The following SMAD2 variants were observed in gnomAD, a reference collection of about 807,000 sequenced individuals.
SMAD2 encodes SMAD family member 2.
In SMAD2, 8 loss-of-function variants were observed where a neutral mutation model predicts 64.4. The observed-to-expected ratio is 0.12, with a 90% confidence interval of 0.07 to 0.22. The LOEUF is 0.22. Ranked by LOEUF, SMAD2 falls within the 10% of genes least tolerant of loss-of-function variation. The pLI is 1.00. For missense variants in SMAD2, 289 were observed against 561.2 expected (o/e 0.51, Z 4.90); for synonymous variants, 203 against 195.8 (o/e 1.04, Z -0.31).
chr18:47,897,691 A>AG (rs1335179132), intron 1 of SMAD2, among the ~76,000 whole-genome samples: 2 of 152,164 alleles, frequency 1.3e-5, no homozygotes, highest in African/African-American at 4.8e-5. Context: ...CAGTTCACAC[A>AG]GAATTTAGAA....
At chr18:47,849,359 A>G (rs1914853633) in intron 7 of SMAD2, among the ~76,000 whole-genome samples, 1 of 152,100 alleles carries the variant, frequency 6.6e-6, no homozygotes, top group South Asian at 2.1e-4. Flanking sequence ...ACATATCATA[A>G]GGAATACTGC....
intron 2 of SMAD2, among the ~76,000 whole-genome samples, chr18:47,893,125 G>A (rs963895170): frequency 7.9e-5 from 12 of 152,172 alleles, no homozygotes; most frequent in African/African-American, 1.9e-4. Flanking sequence ...AAAGCTTCCT[G>A]AAATTTTTTA....
intron 1 of SMAD2, among the ~76,000 whole-genome samples, chr18:47,927,984 C>G (rs969515508): frequency 5.3e-5 from 8 of 152,208 alleles, no homozygotes; most frequent in African/African-American, 1.9e-4. Context: ...TTCACATTTT[C>G]TGACATACCT....
intron 2 of SMAD2, among the ~76,000 whole-genome samples, chr18:47,882,616 A>T (rs768773107): frequency 5.3e-5 from 8 of 152,128 alleles, no homozygotes; most frequent in Non-Finnish European, 1.0e-4. Flanking sequence ...TTTTAGTTGC[A>T]TCTTTGTCAG....
chr18:47,906,864 A>C (rs1182102784), intron 1 of SMAD2, among the ~76,000 whole-genome samples: 2 of 151,996 alleles, frequency 1.3e-5, no homozygotes, highest in African/African-American at 2.4e-5. Context: ...TTCTGTATTC[A>C]AATCTCCCTC....
intron 1 of SMAD2, among the ~76,000 whole-genome samples, chr18:47,918,170 A>G (rs1464562299): frequency 6.6e-6 from 1 of 152,230 alleles, no homozygotes; most frequent in Non-Finnish European, 1.5e-5. Flanking sequence ...CTGGATAACT[A>G]ATCCTCTGCC....
intron 1 of SMAD2, among the ~76,000 whole-genome samples, chr18:47,926,103 T>C (rs1315410273): frequency 6.6e-6 from 1 of 152,216 alleles, no homozygotes; most frequent in Non-Finnish European, 1.5e-5. Context: ...CAGCCTTTCT[T>C]TACTGCTGGC....
intron 2 of SMAD2, chr18:47,887,024 A>G (rs989647021): frequency 1.3e-5 from 2 of 152,054 alleles, no homozygotes; most frequent in African/African-American, 4.8e-5. Context: ...TCCTGTCCCC[A>G]GCAACCACTA....
rs1335720238 is a variant in SMAD2 at position 47,897,938 on chromosome 18, GAAAGT to G, written c.-53-1134_-53-1130del. Among the ~76,000 whole-genome samples, 5 of 152,156 alleles carry G rather than the reference GAAAGT, an allele frequency of 3.3e-5. No individual in the cohort carries two copies. In the East Asian group the frequency reaches 5.8e-4, roughly 18 times the overall value. On this transcript the variant is annotated intron_variant, in intron 1 of 10. Coordinates refer to ENST00000262160, the MANE Select transcript of SMAD2 (RefSeq NM_005901.6). ...AAGTTCCCAAAAGGCATCCTTTTTA[GAAAGT>G]AAAGAGGTCTGTAGTCTTTACATCA...
chr18:47,852,506 TA>T (rs1470943366), intron 6 of SMAD2, among the ~76,000 whole-genome samples: 13 of 152,212 alleles, frequency 8.5e-5, no homozygotes, highest in Non-Finnish European at 1.9e-4. Context: ...ACATGAGTGC[TA>T]TGTTTGTAAG....
chr18:47,877,527 C>T (rs914513943), intron 2 of SMAD2, among the ~76,000 whole-genome samples: 5 of 152,006 alleles, frequency 3.3e-5, no homozygotes, highest in African/African-American at 1.2e-4. Flanking sequence ...TTTATCTTGA[C>T]TACAAATATA....
chr18:47,859,362 T>C (rs1266003139), intron 6 of SMAD2, among the ~76,000 whole-genome samples: 4 of 152,172 alleles, frequency 2.6e-5, no homozygotes, highest in African/African-American at 9.6e-5. Context: ...TGGAACACTA[T>C]AGTATATACA....
At chr18:47,854,922 C>A (rs1466694845) in intron 6 of SMAD2, among the ~76,000 whole-genome samples, 2 of 152,106 alleles carry the variant, frequency 1.3e-5, no homozygotes, top group East Asian at 3.9e-4. Context: ...TGGGTTTTGA[C>A]AAATGTATAA....
chr18:47,928,918 AG>A (rs1450731275), intron 1 of SMAD2, among the ~76,000 whole-genome samples: 8 of 152,254 alleles, frequency 5.3e-5, no homozygotes, highest in African/African-American at 1.9e-4. Context: ...CACACTCTTT[AG>A]AAATGCCGAA....
At chr18:47,845,531 T>C in intron 9 of SMAD2, 47 bp from the exon 10 acceptor site, 1 of 1,593,522 alleles carries the variant, frequency 6.3e-7, no homozygotes, top group South Asian at 1.1e-5. Context: ...GTATCATTAT[T>C]AAAAAGTAAT....
chr18:47,892,915 C>A (rs1350905907), intron 2 of SMAD2, among the ~76,000 whole-genome samples: 1 of 152,080 alleles, frequency 6.6e-6, no homozygotes, highest in Non-Finnish European at 1.5e-5. Context: ...TATAAAATAG[C>A]CATTTTAGAC....
chr18:47,929,216 T>G lies in SMAD2; in HGVS notation c.-54+1145A>C, dbSNP rs377463336. ...AACTGTTGAAACTCCATTTAACTAT[T>G]TGACTAACTTCTCTGTAAGATGGAA... On this transcript the variant is annotated intron_variant, in intron 1 of 10. Coordinates refer to ENST00000262160, the MANE Select transcript of SMAD2 (RefSeq NM_005901.6). Among the ~76,000 whole-genome samples, 27 of 152,366 alleles carry G rather than the reference T, an allele frequency of 1.8e-4. No individual in the cohort carries two copies. In the East Asian group the frequency reaches 4.6e-3, roughly 26 times the overall value.
rs1472380270 is a variant in SMAD2, at chr18:47,834,651, C to T, written c.*7176G>A. Reference sequence around the variant, plus strand: ...CTAGGAAGTCCAGAAATACCTTAAACGTGTTAACTTTAAGAAGAGTTGGTA... The same window carrying T: ...CTAGGAAGTCCAGAAATACCTTAAATGTGTTAACTTTAAGAAGAGTTGGTA... On this transcript the variant is annotated 3_prime_UTR_variant, in exon 11 of 11. Coordinates refer to ENST00000262160, the MANE Select transcript of SMAD2 (RefSeq NM_005901.6). The T allele has an allele frequency of 2.8e-5, 4 of 143,394 alleles. No individual in the cohort carries two copies. Among genetic ancestry groups the T allele is most frequent in the African/African-American group, 1.0e-4 (3 of 29,212 alleles). 8.9% of individuals were successfully genotyped at this position (143,394 alleles called of 1,614,324 possible).
chr18:47,925,720 T>TA lies in SMAD2; in HGVS notation c.-54+4640dup, dbSNP rs57087523. Among the ~76,000 whole-genome samples, 1,166 of 151,426 alleles carry TA rather than the reference T, an allele frequency of 7.7e-3. 23 individuals are homozygous for TA. The highest frequency in any genetic ancestry group is 0.026 in the African/African-American group (1,083 of 41,294). On this transcript the variant is annotated intron_variant, in intron 1 of 10. Transcript: ENST00000262160. ...AAGGCTAGTACTTTTGTACTACTGC[T>TA]AAAAAAAAACCTGATTCTTAAAAAC...
Sources: allele counts gnomAD v4.1 joint callset (sites outside exome capture counted in the v4.1 genomes callset), GRCh38; gene constraint gnomAD v4.1.1; transcripts MANE v1.5; gene names NCBI Gene and HGNC (gene_info 2026-07-23, HGNC 2026-07-21).